CDH13: variants seen among roughly 807,000 people sequenced by gnomAD.
CDH13 encodes cadherin-13.
CDH13 carries 24 observed loss-of-function variants against 63.8 expected under a neutral mutation model. That is an observed-to-expected ratio of 0.38 (90% CI 0.27 to 0.53). The LOEUF (loss-of-function observed/expected upper bound fraction) is 0.53, where lower values mean the gene tolerates loss of function less well. Among genes scored for constraint, CDH13 ranks in the 20% least tolerant of loss-of-function variants. CDH13 has a pLI of 0.85. For missense variants in CDH13, 1,049 were observed against 903.1 expected, an observed-to-expected ratio of 1.16 and a Z score of -2.07; for synonymous variants, 503 against 355.3, an observed-to-expected ratio of 1.42 and a Z score of -4.67.
chr16:82,931,624 A>AAGTTT (rs2042496449), intron 2 of CDH13, among the ~76,000 whole-genome samples: 1 of 152,082 alleles, frequency 6.6e-6, no homozygotes, highest in Non-Finnish European at 1.5e-5. Flanking sequence ...AAAGAAAAAG[A>AAGTTT]AGTTTAATGG....
At chr16:83,781,947 A>G (rs551655487) in intron 12 of CDH13, among the ~76,000 whole-genome samples, 19 of 152,214 alleles carry the variant, frequency 1.2e-4, no homozygotes, top group African/African-American at 4.1e-4. Context: ...AAAAGAAGAA[A>G]AAAAAAAAGA....
chr16:83,344,223 A>G (rs1030291184), intron 5 of CDH13, among the ~76,000 whole-genome samples: 1 of 152,200 alleles, frequency 6.6e-6, no homozygotes, highest in African/African-American at 2.4e-5. Context: ...TCCAAGACAA[A>G]CAAAAAAGTT....
At chr16:83,587,539 C>G (rs763121372) in intron 7 of CDH13, among the ~76,000 whole-genome samples, 1 of 152,166 alleles carries the variant, frequency 6.6e-6, no homozygotes, top group Non-Finnish European at 1.5e-5. Flanking sequence ...ACCTTAAAAG[C>G]ATTACCTTCT....
chr16:83,323,710 A>G (rs988114109), intron 5 of CDH13, among the ~76,000 whole-genome samples: 3 of 152,172 alleles, frequency 2.0e-5, no homozygotes, highest in Non-Finnish European at 2.9e-5. Flanking sequence ...CTTCACCACT[A>G]TTCCATACAA....
chr16:83,772,348 A>T (rs17700786), intron 11 of CDH13, among the ~76,000 whole-genome samples: 1 of 152,060 alleles, frequency 6.6e-6, no homozygotes, highest in Non-Finnish European at 1.5e-5. Flanking sequence ...ACCAGTGGTC[A>T]TCTTGGAAAT....
intron 5 of CDH13, among the ~76,000 whole-genome samples, chr16:83,251,863 A>G (rs16959914): frequency 0.095 from 14,479 of 151,860 alleles, 855 homozygotes; most frequent in East Asian, 0.23. Flanking sequence ...GGCAGGGAAC[A>G]TTCTTCTTCA....
At chr16:82,703,710 T>G (rs1028666083) in intron 1 of CDH13, among the ~76,000 whole-genome samples, 12 of 152,148 alleles carry the variant, frequency 7.9e-5, no homozygotes, top group African/African-American at 2.9e-4. Flanking sequence ...AAAAATGAGC[T>G]TTTGCTCTTC....
At chr16:83,181,031 C>A (rs1489983684) in intron 4 of CDH13, 1 of 1,502,068 alleles carries the variant, frequency 6.7e-7, no homozygotes, top group South Asian at 1.3e-5. Context: ...CACTAGCACT[C>A]GGTATTTCAA....
At chr16:82,731,877 T>C (rs1463951685) in intron 1 of CDH13, among the ~76,000 whole-genome samples, 1 of 152,226 alleles carries the variant, frequency 6.6e-6, no homozygotes, top group Non-Finnish European at 1.5e-5. Context: ...TAGAGCCAAT[T>C]ATTAACATTA....
At chr16:82,870,434 C>T (rs936449427) in intron 2 of CDH13, among the ~76,000 whole-genome samples, 4 of 152,118 alleles carry the variant, frequency 2.6e-5, no homozygotes, top group African/African-American at 7.2e-5. Flanking sequence ...AAAAATAGAA[C>T]TACTATATGG....
At position 83,678,338 on chromosome 16, in the gene CDH13, A is replaced by G. The variant is rs1202661423; in HGVS notation, c.1415A>G (p.Asn472Ser). The change falls in exon 10 of 14, where the codon AAC becomes AGC. Residue 472 changes from asparagine (N) to serine (S), a missense_variant. Coordinates refer to ENST00000567109, the MANE Select transcript of CDH13 (RefSeq NM_001257.5). ...GTCCACATCACTGTCCTGGATGTCAACGAGGGCCCAGTCTTCTACCCAGAC... is the reference window on the plus strand; with the variant it reads ...GTCCACATCACTGTCCTGGATGTCAGCGAGGGCCCAGTCTTCTACCCAGAC... ...ATVHITVLDV[N>S]EGPVFYPDPM... The G allele has an allele frequency of 3.1e-6, 5 of 1,613,918 alleles. No individual in the cohort carries two copies. The highest frequency in any genetic ancestry group is 4.2e-6 in the Non-Finnish European group (5 of 1,179,874).
At chr16:82,958,046 C>G (rs1209111584) in intron 2 of CDH13, among the ~76,000 whole-genome samples, 1 of 152,194 alleles carries the variant, frequency 6.6e-6, no homozygotes, top group Non-Finnish European at 1.5e-5. Context: ...TGAGGCACCA[C>G]AGCTCTGTCT....
intron 10 of CDH13, among the ~76,000 whole-genome samples, chr16:83,722,007 G>T (rs1489204588): frequency 1.3e-5 from 2 of 152,138 alleles, no homozygotes; most frequent in Non-Finnish European, 2.9e-5. Context: ...GAGTGGAGGG[G>T]TCCATGTGCA....
chr16:82,996,779 G>C (rs553798904), intron 2 of CDH13, among the ~76,000 whole-genome samples: 2 of 152,210 alleles, frequency 1.3e-5, no homozygotes, highest in South Asian at 4.2e-4. Context: ...TGATGACGAT[G>C]GTGATGGTGG....
Position 83,799,711 on chromosome 16 carries a change from C to G in CDH13, c.*4681C>G, listed in dbSNP as rs1259140569. The G allele has an allele frequency of 1.3e-5, 2 of 152,222 alleles. No homozygotes were observed. The highest frequency in any genetic ancestry group is 4.8e-5 in the African/African-American group (2 of 41,454). 9.4% of individuals were successfully genotyped at this position (152,222 alleles called of 1,614,324 possible). A position where few individuals can be genotyped will look rare whatever the true frequency, so the allele number is the denominator to read the frequency against. On this transcript the variant is annotated 3_prime_UTR_variant, in exon 14 of 14. Transcript: ENST00000567109. ...GTTGAGATTTGATAATTTTCACAGTCTAATGATAAAATGCTTTCAAAATGG... is the reference window on the plus strand; with the variant it reads ...GTTGAGATTTGATAATTTTCACAGTGTAATGATAAAATGCTTTCAAAATGG...
intron 3 of CDH13, among the ~76,000 whole-genome samples, chr16:83,083,730 A>C (rs776016586): frequency 5.3e-5 from 8 of 152,062 alleles, no homozygotes; most frequent in Non-Finnish European, 1.2e-4. Flanking sequence ...TGAAATTTCC[A>C]CTCCCTCAAA....
chr16:83,508,772 C>A (rs1164265794), intron 7 of CDH13, among the ~76,000 whole-genome samples: 1 of 152,118 alleles, frequency 6.6e-6, no homozygotes, highest in African/African-American at 2.4e-5. Flanking sequence ...AGATTGTATC[C>A]TGAATAAGCT....
chr16:82,830,274 A>C (rs1401662707), intron 1 of CDH13, among the ~76,000 whole-genome samples: 1 of 152,154 alleles, frequency 6.6e-6, no homozygotes, highest in Non-Finnish European at 1.5e-5. Context: ...TTATCTATTC[A>C]AAAATATGTG....
intron 10 of CDH13, among the ~76,000 whole-genome samples, chr16:83,744,060 C>CATCAGG (rs1912332309): frequency 1.3e-5 from 2 of 152,266 alleles, no homozygotes; most frequent in Admixed American, 6.5e-5. Context: ...ATACCCACTT[C>CATCAGG]ATCAGGTTGT....
Sources: gnomAD v4.1 joint callset for allele counts (sites outside exome capture counted in the v4.1 genomes callset) on GRCh38, gnomAD v4.1.1 for gene constraint, MANE v1.5 for transcripts, NCBI Gene and HGNC (gene_info 2026-07-23, HGNC 2026-07-21) for gene names.